The following ARPP21 variants were observed in gnomAD, a reference collection of about 807,000 sequenced individuals.
The protein encoded by ARPP21 is cAMP regulated phosphoprotein 21.
Under a neutral mutation model 113.2 loss-of-function variants are expected in ARPP21, and 69 were observed. That is an observed-to-expected ratio of 0.61 (90% CI 0.50 to 0.74). ARPP21 has a LOEUF of 0.74. Among genes scored for constraint, ARPP21 ranks in the 30% least tolerant of loss-of-function variants. ARPP21 has a pLI of 0.00. For synonymous variants in ARPP21, 368 were observed against 375.5 expected, an observed-to-expected ratio of 0.98 and a Z score of 0.23; for missense variants, 1,070 against 1,037.4, an observed-to-expected ratio of 1.03 and a Z score of -0.43.
chr3:35,672,311 T>C (rs1181982234), intron 1 of ARPP21, among the ~76,000 whole-genome samples: 3 of 152,054 alleles, frequency 2.0e-5, no homozygotes, highest in Non-Finnish European at 4.4e-5. Flanking sequence ...TGTGAATGGA[T>C]AGACCCACTA....
intron 19 of ARPP21, among the ~76,000 whole-genome samples, chr3:35,780,462 A>G (rs563717039): frequency 2.0e-5 from 3 of 152,234 alleles, no homozygotes; most frequent in Admixed American, 6.5e-5. Context: ...GCCTATCCTG[A>G]CACCTTTTGA....
At chr3:35,691,186 T>G (rs1445287774) in intron 9 of ARPP21, among the ~76,000 whole-genome samples, 181 bp downstream of exon 9, 1 of 151,670 alleles carries the variant, frequency 6.6e-6, no homozygotes, top group Non-Finnish European at 1.5e-5. Flanking sequence ...CCAAGAAAGT[T>G]TATAAAATTC....
At position 35,779,398 on chromosome 3, in the gene ARPP21, T is replaced by G. The variant is rs935874204; in HGVS notation, c.2138-12984T>G. Among the ~76,000 whole-genome samples, 3 of 152,112 alleles carry G rather than the reference T, an allele frequency of 2.0e-5. No individual in the cohort carries two copies. In the South Asian group the frequency reaches 6.2e-4, roughly 31 times the overall value. On this transcript the variant is annotated intron_variant, in intron 19 of 20. Transcript: ENST00000684406. ...TGGAGGAAGCACCGTGGCATGTATG[T>G]TGGGGAAGTTAGTTACCAAAAACTG...
chr3:35,747,662 A>G (rs542105841), intron 19 of ARPP21, among the ~76,000 whole-genome samples: 1 of 152,252 alleles, frequency 6.6e-6, no homozygotes, highest in Admixed American at 6.5e-5. Context: ...ACTTGCCAGT[A>G]GTCCCAGCAA....
At chr3:35,735,464 G>A (rs1351401540) in intron 15 of ARPP21, among the ~76,000 whole-genome samples, 1 of 152,110 alleles carries the variant, frequency 6.6e-6, no homozygotes, top group African/African-American at 2.4e-5. Flanking sequence ...ATCCTTGGTT[G>A]TTCTTTATTT....
chr3:35,681,551 T>C, intron 2 of ARPP21, 163 bp from the exon 3 acceptor site: 1 of 538,250 alleles, frequency 1.9e-6, no homozygotes, highest in Admixed American at 3.0e-5. Flanking sequence ...CTGCCTCTTG[T>C]GCATGCCTTG....
rs1292349220 is a variant in ARPP21 at position 35,669,581 on chromosome 3, A to G, written c.-212-10206A>G. Among the ~76,000 whole-genome samples the G allele has an allele frequency of 2.0e-5, 3 of 152,102 alleles. No homozygotes were observed. In the East Asian group the frequency reaches 5.8e-4, roughly 29 times the overall value. On this transcript the variant is annotated intron_variant, in intron 1 of 20. Transcript: ENST00000684406. ...GTGTAATGCCAGATTTTCAGCCTCC[A>G]TTTCAGGGATCAGATTGTTCCATTT... is the stretch of plus-strand genomic sequence containing the variant.
intron 18 of ARPP21, among the ~76,000 whole-genome samples, chr3:35,742,801 G>A (rs536128683): frequency 6.6e-6 from 1 of 152,306 alleles, no homozygotes; most frequent in South Asian, 2.1e-4. Context: ...TATAATGTTT[G>A]TAGGCGGTCT....
intron 19 of ARPP21, among the ~76,000 whole-genome samples, chr3:35,765,598 G>T (rs752693039): frequency 3.3e-5 from 5 of 152,014 alleles, no homozygotes; most frequent in Non-Finnish European, 7.4e-5. Context: ...CAAACAAAGA[G>T]GTGACATGTA....
In ARPP21 at chr3:35,724,804, A is replaced by G. The variant is rs145121252; in HGVS notation, c.1225+2970A>G. Among the ~76,000 whole-genome samples, 26 of 152,124 alleles carry G rather than the reference A, an allele frequency of 1.7e-4. No individual in the cohort carries two copies. The East Asian group carries it at 4.8e-3, about 28-fold the overall frequency. ...CCTCTTCTTTGTCTTTATTTTTATT[A>G]CTGCACTAACACATCGTGGATATTC... On this transcript the variant is annotated intron_variant, in intron 14 of 20. Transcript: ENST00000684406.
intron 1 of ARPP21, among the ~76,000 whole-genome samples, chr3:35,670,012 A>G (rs970000094): frequency 2.0e-5 from 3 of 152,096 alleles, no homozygotes; most frequent in African/African-American, 7.2e-5. Flanking sequence ...TGACCCTCCA[A>G]AATATCAATA....
chr3:35,765,409 G>A lies in ARPP21; in HGVS notation c.2137+21444G>A, dbSNP rs1463325290. ...CAGAAACCAAGCGAGTGGGGTAGAAGGGAAATGCTGTAATGTGTAGTTAAC... is the reference window on the plus strand; with the variant it reads ...CAGAAACCAAGCGAGTGGGGTAGAAAGGAAATGCTGTAATGTGTAGTTAAC... On this transcript the variant is annotated intron_variant, in intron 19 of 20. Transcript: ENST00000684406. Among the ~76,000 whole-genome samples the A allele has an allele frequency of 3.3e-5, 5 of 152,088 alleles. No individual in the cohort carries two copies. The South Asian group carries it at 6.2e-4, about 19-fold the overall frequency.
At chr3:35,745,051 A>C (rs2150914765) in intron 19 of ARPP21, among the ~76,000 whole-genome samples, 1 of 152,324 alleles carries the variant, frequency 6.6e-6, no homozygotes, top group South Asian at 2.1e-4. Flanking sequence ...CTGTGGGAGA[A>C]GAATTAGAGA....
intron 19 of ARPP21, among the ~76,000 whole-genome samples, chr3:35,785,509 TAAAGAAAGAAAG>T (rs5847899): frequency 2.9e-4 from 43 of 150,454 alleles, no homozygotes; most frequent in East Asian, 5.8e-4. Flanking sequence ...TGCCCTGATT[TAAAGAAAGAAAG>T]AAAGAAAGAA....
intron 19 of ARPP21, among the ~76,000 whole-genome samples, chr3:35,745,413 G>T (rs2094964755): frequency 6.6e-6 from 1 of 152,058 alleles, no homozygotes; most frequent in Non-Finnish European, 1.5e-5. Flanking sequence ...TTTCTACTTG[G>T]TTACTAATGC....
intron 19 of ARPP21, among the ~76,000 whole-genome samples, chr3:35,751,911 G>C (rs1481614822): frequency 6.6e-6 from 1 of 152,068 alleles, no homozygotes; most frequent in Non-Finnish European, 1.5e-5. Context: ...GTTGTAAAGA[G>C]AGCACACAAA....
intron 1 of ARPP21, among the ~76,000 whole-genome samples, chr3:35,668,459 T>C (rs1484012935): frequency 6.6e-6 from 1 of 152,014 alleles, no homozygotes; most frequent in Non-Finnish European, 1.5e-5. Flanking sequence ...TAATCTGGAA[T>C]TGGCATCTGG....
Position 35,681,880 on chromosome 3 carries a change from GGTGA to G in ARPP21, c.129+6_129+9del. 1 of 1,611,716 alleles carries G rather than the reference GGTGA, an allele frequency of 6.2e-7. No individual in the cohort carries two copies. The highest frequency in any genetic ancestry group is 8.5e-7 in the Non-Finnish European group (1 of 1,178,552). On this transcript the variant is annotated splice_donor_variant and splice_donor_region_variant and intron_variant, in intron 3 of 20. Transcript: ENST00000684406. LOFTEE classifies it high-confidence loss of function. ...ATGAAGAGGAGAAACTGGAACTGCA[GGTGA>G]GTGAGCATGAAGAGACCCTGACTCT...
rs778371756 is a variant in ARPP21, at chr3:35,707,120, T to A, written c.795+38T>A. 4 of 1,511,708 alleles carry A rather than the reference T, an allele frequency of 2.6e-6. No homozygotes were observed. The East Asian group carries it at 6.8e-5, about 26-fold the overall frequency. The allele number at this position is 1,511,708 out of a possible 1,614,324, so 93.6% of individuals were successfully genotyped here. A position where few individuals can be genotyped will look rare whatever the true frequency, so the allele number is the denominator to read the frequency against. On this transcript the variant is annotated intron_variant, in intron 10 of 20. Coordinates refer to ENST00000684406, the MANE Select transcript of ARPP21 (RefSeq NM_001385562.1). ...GTTTGAGAGTGGCTGACATTGTTGT[T>A]TTTGAAGGTGGGCTGACTGATGTTC...
Sources: allele counts gnomAD v4.1 joint callset (sites outside exome capture counted in the v4.1 genomes callset), GRCh38; gene constraint gnomAD v4.1.1; transcripts MANE v1.5; gene names NCBI Gene and HGNC (gene_info 2026-07-23, HGNC 2026-07-21).